Variants in CCDC102B observed in about 807,000 individuals in gnomAD.
CCDC102B encodes the protein coiled-coil domain-containing protein 102B.
A neutral mutation model predicts 57.4 loss-of-function variants in CCDC102B; 75 were observed. That is an observed-to-expected ratio of 1.31 (90% CI 1.08 to 1.58). The LOEUF (loss-of-function observed/expected upper bound fraction) is 1.58, where lower values mean the gene tolerates loss of function less well. CCDC102B is among the 40% of genes most tolerant of loss of function. The probability of loss-of-function intolerance (pLI) is 0.00; values close to 1 mark genes in which losing one functional copy is unlikely to be tolerated. For synonymous variants in CCDC102B, 206 were observed against 201.9 expected (o/e 1.02, Z -0.17); for missense variants, 636 against 582.6 (o/e 1.09, Z -0.94).
chr18:68,811,061 G>T (rs2036245015), intron 1 of CCDC102B, among the ~76,000 whole-genome samples: 1 of 152,106 alleles, frequency 6.6e-6, no homozygotes, highest in African/African-American at 2.4e-5. Context: ...GTATTCCATG[G>T]TGTATATGTG....
intron 6 of CCDC102B, among the ~76,000 whole-genome samples, chr18:68,904,683 A>G (rs2040562973): frequency 6.6e-6 from 1 of 152,116 alleles, no homozygotes; most frequent in Admixed American, 6.5e-5. Context: ...CTACTCTCAA[A>G]TGCATGCACA....
At chr18:68,799,658 AG>A (rs1167030442) in intron 1 of CCDC102B, among the ~76,000 whole-genome samples, 1 of 152,192 alleles carries the variant, frequency 6.6e-6, no homozygotes, top group Non-Finnish European at 1.5e-5. Flanking sequence ...TTTAAAGAAA[AG>A]TTCAACTTCT....
intron 2 of CCDC102B, among the ~76,000 whole-genome samples, chr18:68,741,194 A>C (rs371552632): frequency 6.6e-6 from 1 of 152,200 alleles, no homozygotes; most frequent in East Asian, 1.9e-4. Flanking sequence ...CTTTACTTGC[A>C]GATGTTTTGC....
intron 3 of CCDC102B, chr18:68,839,134 G>A: frequency 1.8e-6 from 1 of 570,406 alleles, no homozygotes; most frequent in South Asian, 2.1e-5. Context: ...ATTCTTTTAA[G>A]TTGACTTTTA....
chr18:68,824,460 T>G (rs951206983), intron 1 of CCDC102B, among the ~76,000 whole-genome samples: 4 of 152,224 alleles, frequency 2.6e-5, no homozygotes, highest in African/African-American at 4.8e-5. Flanking sequence ...CGAAGAGAGA[T>G]AGTTTGACTT....
rs939602015 is a variant in CCDC102B at position 69,054,403 on chromosome 18, A to G, written c.*266A>G. The G allele has an allele frequency of 9.1e-7, 1 of 1,098,098 alleles. No homozygotes were observed. Among genetic ancestry groups the G allele is most frequent in the African/African-American group, 1.7e-5 (1 of 60,572 alleles). The allele number at this position is 1,098,098 out of a possible 1,614,324, so 68.0% of individuals were successfully genotyped here. On this transcript the variant is annotated 3_prime_UTR_variant, in exon 8 of 8. Coordinates refer to ENST00000360242, the MANE Select transcript of CCDC102B (RefSeq NM_024781.3). Reference sequence around the variant, plus strand: ...ATTTTGAAAGTCAAAAAGGGCTTTCAGAATACTTTTTACATAAAATCTGAA... The same window carrying G: ...ATTTTGAAAGTCAAAAAGGGCTTTCGGAATACTTTTTACATAAAATCTGAA...
chr18:68,849,434 C>T (rs2038025302), intron 4 of CCDC102B, among the ~76,000 whole-genome samples: 1 of 152,030 alleles, frequency 6.6e-6, no homozygotes, highest in Non-Finnish European at 1.5e-5. Context: ...ATCGACTCTG[C>T]CTCCAAACTG....
At chr18:69,057,951 G>A (rs1364797100), downstream of CCDC102B, among the ~76,000 whole-genome samples, 1 of 151,952 alleles carries the variant, frequency 6.6e-6, no homozygotes, top group East Asian at 1.9e-4. Flanking sequence ...CCCAATTCAT[G>A]AGCATAGCAG....
At chr18:69,020,597 G>A (rs1348683175) in intron 7 of CCDC102B, among the ~76,000 whole-genome samples, 1 of 152,100 alleles carries the variant, frequency 6.6e-6, no homozygotes, top group African/African-American at 2.4e-5. Flanking sequence ...TTAGGTTGGT[G>A]TAAAAGTAAT....
chr18:68,960,838 A>G (rs537741706), intron 6 of CCDC102B, among the ~76,000 whole-genome samples: 45 of 152,188 alleles, frequency 3.0e-4, no homozygotes, highest in African/African-American at 1.1e-3. Context: ...CCCTCTCTCA[A>G]GTGTGCAGGT....
At chr18:68,731,182 C>A (rs1025014605) in intron 2 of CCDC102B, among the ~76,000 whole-genome samples, 8 of 152,048 alleles carry the variant, frequency 5.3e-5, no homozygotes, top group Non-Finnish European at 1.0e-4. Context: ...GACAGGGTTT[C>A]ACCATGTTGG....
At chr18:68,736,686 A>G (rs1026878868) in intron 2 of CCDC102B, among the ~76,000 whole-genome samples, 14 of 152,214 alleles carry the variant, frequency 9.2e-5, no homozygotes, top group Admixed American at 8.5e-4. Flanking sequence ...GGAAGAAGCA[A>G]ACTCAGAAAC....
At chr18:68,892,294 T>C (rs1425056966) in intron 5 of CCDC102B, among the ~76,000 whole-genome samples, 1 of 152,180 alleles carries the variant, frequency 6.6e-6, no homozygotes, top group African/African-American at 2.4e-5. Context: ...TTATTACATT[T>C]CTGATAGTAG....
At chr18:68,813,986 G>T (rs2036378858) in intron 1 of CCDC102B, among the ~76,000 whole-genome samples, 1 of 151,648 alleles carries the variant, frequency 6.6e-6, no homozygotes, top group Admixed American at 6.6e-5. Context: ...GATGAAGAAT[G>T]GTTAGTAAGA....
At chr18:69,015,208 G>A (rs946640437) in intron 7 of CCDC102B, among the ~76,000 whole-genome samples, 3 of 152,140 alleles carry the variant, frequency 2.0e-5, no homozygotes, top group South Asian at 2.1e-4. Context: ...AGAGGTAGGT[G>A]TATTGAAATA....
intron 2 of CCDC102B, among the ~76,000 whole-genome samples, chr18:68,738,653 A>C (rs948839660): frequency 6.6e-6 from 1 of 152,182 alleles, no homozygotes; most frequent in Non-Finnish European, 1.5e-5. Flanking sequence ...CACCGGGATG[A>C]CTGTGAGAAT....
At chr18:68,866,664 C>T (rs1599598355) in intron 4 of CCDC102B, 8 of 377,216 alleles carry the variant, frequency 2.1e-5, no homozygotes, top group African/African-American at 6.4e-5. Context: ...AGATTCAAAC[C>T]GCCCTTTATC....
chr18:68,921,816 T>C (rs1461364557), intron 6 of CCDC102B, among the ~76,000 whole-genome samples: 2 of 152,132 alleles, frequency 1.3e-5, no homozygotes, highest in Non-Finnish European at 1.5e-5. Flanking sequence ...AATATTGCAA[T>C]TGTAGCCACG....
intron 1 of CCDC102B, among the ~76,000 whole-genome samples, chr18:68,802,767 A>C (rs1312070224): frequency 3.3e-5 from 5 of 152,226 alleles, no homozygotes; most frequent in Admixed American, 2.6e-4. Flanking sequence ...TTCGAGAAGC[A>C]TAGATCTTTA....
Sources: gnomAD v4.1 joint callset for allele counts (sites outside exome capture counted in the v4.1 genomes callset) on GRCh38, gnomAD v4.1.1 for gene constraint, MANE v1.5 for transcripts, NCBI Gene and HGNC (gene_info 2026-07-23, HGNC 2026-07-21) for gene names.